The following SLC24A3 variants were observed in gnomAD, a reference collection of about 807,000 sequenced individuals.
The protein encoded by SLC24A3 is sodium/potassium/calcium exchanger 3.
Under a neutral mutation model 75.8 loss-of-function variants are expected in SLC24A3, and 28 were observed. The observed-to-expected ratio is 0.37, with a 90% CI of 0.27 to 0.51. The LOEUF is 0.51. Among genes scored for constraint, SLC24A3 ranks in the 20% least tolerant of loss-of-function variants. The pLI, the probability that SLC24A3 is intolerant of heterozygous loss-of-function variation, is 0.94. For synonymous variants in SLC24A3, 372 were observed against 334.1 expected, an observed-to-expected ratio of 1.11 and a Z score of -1.24; for missense variants, 663 against 847.8, an observed-to-expected ratio of 0.78 and a Z score of 2.71.
At chr20:19,337,945 C>A (rs964641492) in intron 2 of SLC24A3, among the ~76,000 whole-genome samples, 17 of 152,046 alleles carry the variant, frequency 1.1e-4, no homozygotes, top group African/African-American at 1.4e-4. Flanking sequence ...AGCATCACTT[C>A]CTTCAATTAT....
At chr20:19,407,908 C>T (rs1986677184) in intron 2 of SLC24A3, among the ~76,000 whole-genome samples, 1 of 152,172 alleles carries the variant, frequency 6.6e-6, no homozygotes, top group South Asian at 2.1e-4. Flanking sequence ...TTGGGACACA[C>T]CAAGGATGAA....
At chr20:19,476,252 A>G (rs1987960485) in intron 2 of SLC24A3, among the ~76,000 whole-genome samples, 1 of 152,246 alleles carries the variant, frequency 6.6e-6, no homozygotes. Context: ...GTTAAAAATA[A>G]TATGTCCGAG....
chr20:19,477,703 C>T (rs1050840236), intron 2 of SLC24A3, among the ~76,000 whole-genome samples: 2 of 152,090 alleles, frequency 1.3e-5, no homozygotes, highest in South Asian at 2.1e-4. Flanking sequence ...CCTAAAGTGT[C>T]GATGACATCC....
At chr20:19,326,387 AAC>A (rs1984863435) in intron 2 of SLC24A3, among the ~76,000 whole-genome samples, 1 of 152,010 alleles carries the variant, frequency 6.6e-6, no homozygotes, top group South Asian at 2.1e-4. Context: ...CTACGAGAAT[AAC>A]AATCCTGACT....
intron 2 of SLC24A3, among the ~76,000 whole-genome samples, chr20:19,339,737 A>T (rs1985224553): frequency 6.6e-6 from 1 of 152,210 alleles, no homozygotes; most frequent in Non-Finnish European, 1.5e-5. Flanking sequence ...GGTAACCTGG[A>T]GACAACCCTC....
intron 2 of SLC24A3, among the ~76,000 whole-genome samples, chr20:19,477,034 G>T (rs570780076): frequency 6.6e-6 from 1 of 152,222 alleles, no homozygotes; most frequent in South Asian, 2.1e-4. Context: ...GCAAGACGAG[G>T]ACTGGTGCCT....
chr20:19,632,836 G>T (rs550400691), intron 6 of SLC24A3, among the ~76,000 whole-genome samples: 3 of 152,290 alleles, frequency 2.0e-5, no homozygotes, highest in East Asian at 3.9e-4. Context: ...ACAATGCCAG[G>T]CCTGGTCCTC....
At chr20:19,221,450 C>G (rs971235597) in intron 1 of SLC24A3, among the ~76,000 whole-genome samples, 6 of 152,162 alleles carry the variant, frequency 3.9e-5, no homozygotes, top group African/African-American at 1.4e-4. Context: ...ATGCGTCTTT[C>G]TTAGCTTATT....
chr20:19,586,700 G>T (rs964601145), intron 6 of SLC24A3, among the ~76,000 whole-genome samples: 1 of 152,154 alleles, frequency 6.6e-6, no homozygotes, highest in Non-Finnish European at 1.5e-5. Flanking sequence ...GATTTGTCTG[G>T]ATTGCCTGGT....
At chr20:19,356,816 C>T (rs534485824) in intron 2 of SLC24A3, among the ~76,000 whole-genome samples, 1 of 151,598 alleles carries the variant, frequency 6.6e-6, no homozygotes, top group Non-Finnish European at 1.5e-5. Flanking sequence ...TACTGCTCTA[C>T]ATGGTCATCA....
chr20:19,354,588 ATGTG>A (rs569362767), intron 2 of SLC24A3, among the ~76,000 whole-genome samples: 2,370 of 136,334 alleles, frequency 0.017, 32 homozygotes, highest in East Asian at 0.036. Context: ...AAATTTGTGT[ATGTG>A]TGTGTGTGTG....
intron 12 of SLC24A3, among the ~76,000 whole-genome samples, chr20:19,688,531 G>A (rs2032707067): frequency 6.6e-6 from 1 of 152,244 alleles, no homozygotes; most frequent in African/African-American, 2.4e-5. Flanking sequence ...AGCCTGTCGG[G>A]TGCTTCCGGC....
At chr20:19,452,134 C>A (rs1987493475) in intron 2 of SLC24A3, among the ~76,000 whole-genome samples, 1 of 152,146 alleles carries the variant, frequency 6.6e-6, no homozygotes, top group African/African-American at 2.4e-5. Context: ...TAAGGCTTAT[C>A]CCACAAGTGC....
intron 2 of SLC24A3, among the ~76,000 whole-genome samples, chr20:19,384,076 G>A (rs79643186): frequency 0.046 from 6,941 of 152,154 alleles, 523 homozygotes; most frequent in African/African-American, 0.16. Context: ...TATGTTTAAG[G>A]TGTACAATAT....
chr20:19,494,131 C>T (rs998916411), intron 2 of SLC24A3, among the ~76,000 whole-genome samples: 1 of 90 alleles, frequency 0.011, no homozygotes, highest in Non-Finnish European at 0.025. Context: ...CCTCGGCCAC[C>T]AGGCCCCATG....
chr20:19,223,952 T>C (rs1981803330), intron 1 of SLC24A3, among the ~76,000 whole-genome samples: 1 of 152,218 alleles, frequency 6.6e-6, no homozygotes, highest in Non-Finnish European at 1.5e-5. Flanking sequence ...CAACTTGAGA[T>C]TTTATCACAT....
In SLC24A3 at chr20:19,720,913, C is replaced by G; in HGVS notation, c.1786-78C>G. 2.6e-6 allele frequency: 4 copies of G among 1,552,590 alleles called. No homozygotes were observed. In the South Asian group the frequency reaches 4.9e-5, roughly 19 times the overall value. ...CATAGTCAGCAGCCCTTCCCCGGGT[C>G]CCCTGGGTTCCCCTACCAACCCCCC... On this transcript the variant is annotated intron_variant, in intron 16 of 16. Transcript: ENST00000328041.
chr20:19,341,943 AT>A (rs2122308847), intron 2 of SLC24A3, among the ~76,000 whole-genome samples: 1 of 152,310 alleles, frequency 6.6e-6, no homozygotes, highest in East Asian at 1.9e-4. Flanking sequence ...CAGTGGCCAC[AT>A]TTGTAGATAC....
rs1360422469 is a variant in SLC24A3 at position 19,714,423 on chromosome 20, AAAAC to A, written c.1720-3102_1720-3099del. On this transcript the variant is annotated intron_variant, in intron 15 of 16. Coordinates refer to ENST00000328041, the MANE Select transcript of SLC24A3 (RefSeq NM_020689.4). ...CAGTCTCTAAAAAAAAAAAAAAAAA[AAAAC>A]AACAAAAAGAGGCAATGGCAATGAC... Among the ~76,000 whole-genome samples, 43 of 139,730 alleles carry A rather than the reference AAAAC, an allele frequency of 3.1e-4. 1 individual carries two copies. The highest frequency in any genetic ancestry group is 6.4e-4 in the African/African-American group (24 of 37,764). 91.7% of individuals were successfully genotyped at this position (139,730 alleles called of 152,430 possible). A position where few individuals can be genotyped will look rare whatever the true frequency, so the allele number is the denominator to read the frequency against.
Sources: allele counts gnomAD v4.1 joint callset (sites outside exome capture counted in the v4.1 genomes callset), GRCh38; gene constraint gnomAD v4.1.1; transcripts MANE v1.5; gene names NCBI Gene and HGNC (gene_info 2026-07-23, HGNC 2026-07-21).